PRR5L: variants seen among roughly 807,000 people sequenced by gnomAD.
PRR5L encodes proline-rich protein 5-like.
In PRR5L, 21 loss-of-function variants were observed where a neutral mutation model predicts 36.4. The observed-to-expected ratio is 0.58, with a 90% CI of 0.41 to 0.83. The LOEUF is 0.83. PRR5L is among the 40% of genes least tolerant of loss of function. PRR5L has a pLI of 0.00. For missense variants in PRR5L, 381 were observed against 473.3 expected, an observed-to-expected ratio of 0.80 and a Z score of 1.81; for synonymous variants, 188 against 197.0, an observed-to-expected ratio of 0.95 and a Z score of 0.38.
intron 1 of PRR5L, among the ~76,000 whole-genome samples, chr11:36,383,695 C>CT (rs34900545): frequency 0.13 from 14,520 of 109,104 alleles, 1,133 homozygotes; most frequent in East Asian, 0.35. Flanking sequence ...CTTTCTTTTC[C>CT]TTTTTTTTTT....
intron 1 of PRR5L, among the ~76,000 whole-genome samples, chr11:36,351,365 T>TG (rs1856946556): frequency 2.3e-5 from 2 of 87,600 alleles, no homozygotes; most frequent in African/African-American, 4.7e-5. Context: ...TATATATAAA[T>TG]ATATATACAT....
chr11:36,449,400 G>A (rs972345505), intron 7 of PRR5L, among the ~76,000 whole-genome samples: 5 of 152,156 alleles, frequency 3.3e-5, no homozygotes, highest in Admixed American at 6.5e-5. Context: ...CTTCAGCTCC[G>A]TCTTTTCTGT....
chr11:36,463,596 G>C lies in PRR5L; in HGVS notation c.*860G>C, dbSNP rs1361859715. ...CCAGCTGATACCAACCAACTGGCCTGTATCTATCTATCTGGATTTGACTTG... is the reference window on the plus strand; with the variant it reads ...CCAGCTGATACCAACCAACTGGCCTCTATCTATCTATCTGGATTTGACTTG... On this transcript the variant is annotated 3_prime_UTR_variant, in exon 9 of 9. Coordinates refer to ENST00000530639, the MANE Select transcript of PRR5L (RefSeq NM_001160167.2). 1.3e-5 allele frequency: 2 copies of C among 152,430 alleles called. No homozygotes were observed. The highest frequency in any genetic ancestry group is 3.9e-4 in the East Asian group (2 of 5,190). The allele number at this position is 152,430 out of a possible 1,614,324, so 9.4% of individuals were successfully genotyped here.
At chr11:36,312,599 A>G (rs1033114324) in intron 1 of PRR5L, among the ~76,000 whole-genome samples, 2 of 152,148 alleles carry the variant, frequency 1.3e-5, no homozygotes, top group Non-Finnish European at 1.5e-5. Flanking sequence ...ATCAGAATAA[A>G]CCAATGTTCA....
intron 8 of PRR5L, among the ~76,000 whole-genome samples, chr11:36,451,994 T>C (rs1858955139): frequency 7.0e-6 from 1 of 141,946 alleles, no homozygotes; most frequent in Admixed American, 6.9e-5. Context: ...TCTAGATGGG[T>C]TCAGTACAAA....
intron 3 of PRR5L, among the ~76,000 whole-genome samples, chr11:36,413,854 C>T (rs144763504): frequency 0.12 from 11,885 of 96,856 alleles, 806 homozygotes; most frequent in South Asian, 0.18. Flanking sequence ...TAATGCTATC[C>T]CTCCCCCCTC....
chr11:36,318,991 T>G (rs1312335515), intron 1 of PRR5L, among the ~76,000 whole-genome samples: 1 of 152,220 alleles, frequency 6.6e-6, no homozygotes, highest in South Asian at 2.1e-4. Context: ...ATATCAAGGC[T>G]TTCTTTAATA....
At chr11:36,351,674 C>A (rs12795405) in intron 1 of PRR5L, among the ~76,000 whole-genome samples, 1 of 23,018 alleles carries the variant, frequency 4.3e-5, no homozygotes, top group African/African-American at 2.7e-4. Flanking sequence ...TATTTATATA[C>A]TTATATATTT....
chr11:36,338,869 A>C (rs1856792650), intron 1 of PRR5L, among the ~76,000 whole-genome samples: 2 of 152,200 alleles, frequency 1.3e-5, no homozygotes, highest in Non-Finnish European at 2.9e-5. Context: ...ATCTCCCAGA[A>C]TTCCCACGTG....
rs574996759 is a variant in PRR5L at position 36,429,784 on chromosome 11, C to T, written c.295-2069C>T. Among the ~76,000 whole-genome samples, 4 of 152,302 alleles carry T rather than the reference C, an allele frequency of 2.6e-5. No homozygotes were observed. In the South Asian group the frequency reaches 8.3e-4, roughly 32 times the overall value. The stretch of plus-strand genomic sequence containing the variant: ...CCAACCAGGTGGAGACTGCAGGGCA[C>T]AAATGAGATTTGTGCTAAGAAGCAT... On this transcript the variant is annotated intron_variant, in intron 4 of 8. Transcript: ENST00000530639.
At chr11:36,423,827 C>T (rs1858323127) in intron 4 of PRR5L, among the ~76,000 whole-genome samples, 1 of 152,132 alleles carries the variant, frequency 6.6e-6, no homozygotes, top group African/African-American at 2.4e-5. Context: ...AGAAGAACAG[C>T]ACTGTGGAAT....
chr11:36,386,801 G>A (rs1857465282), intron 1 of PRR5L, among the ~76,000 whole-genome samples: 1 of 152,228 alleles, frequency 6.6e-6, no homozygotes, highest in African/African-American at 2.4e-5. Context: ...TTGGTTTAGA[G>A]TAGAAATTAA....
chr11:36,364,766 G>A (rs1313107767), intron 1 of PRR5L, among the ~76,000 whole-genome samples: 1 of 152,196 alleles, frequency 6.6e-6, no homozygotes, highest in Admixed American at 6.5e-5. Context: ...TTGGCAGTCT[G>A]TCCAGGTGTG....
intron 1 of PRR5L, among the ~76,000 whole-genome samples, chr11:36,356,163 C>T (rs984477049): frequency 1.3e-5 from 2 of 151,998 alleles, no homozygotes; most frequent in Non-Finnish European, 2.9e-5. Flanking sequence ...CTGCCTGCCT[C>T]GGCCTCCTAA....
At chr11:36,432,904 A>C (rs1858531173) in intron 5 of PRR5L, among the ~76,000 whole-genome samples, 1 of 152,180 alleles carries the variant, frequency 6.6e-6, no homozygotes, top group African/African-American at 2.4e-5. Context: ...CTGACGCTGG[A>C]AAGTTCCAAG....
At chr11:36,422,844 C>T (rs375673453) in intron 4 of PRR5L, among the ~76,000 whole-genome samples, 1 of 151,978 alleles carries the variant, frequency 6.6e-6, no homozygotes, top group Admixed American at 6.6e-5. Flanking sequence ...GAATTGTGTC[C>T]GGAAGGAAAA....
intron 6 of PRR5L, among the ~76,000 whole-genome samples, chr11:36,439,778 A>G (rs1186464345): frequency 6.6e-6 from 1 of 152,128 alleles, no homozygotes; most frequent in Non-Finnish European, 1.5e-5. Context: ...ACATATTTAT[A>G]GTTTTATAGG....
At chr11:36,318,991 T>C (rs1312335515) in intron 1 of PRR5L, among the ~76,000 whole-genome samples, 1 of 152,220 alleles carries the variant, frequency 6.6e-6, no homozygotes, top group Non-Finnish European at 1.5e-5. Flanking sequence ...ATATCAAGGC[T>C]TTCTTTAATA....
chr11:36,363,588 G>A (rs58187624), intron 1 of PRR5L, among the ~76,000 whole-genome samples: 3 of 152,124 alleles, frequency 2.0e-5, no homozygotes, highest in African/African-American at 4.8e-5. Flanking sequence ...ATCAACCCCC[G>A]GGCAGGTTTC....
Sources: allele counts gnomAD v4.1 joint callset (sites outside exome capture counted in the v4.1 genomes callset), GRCh38; gene constraint gnomAD v4.1.1; transcripts MANE v1.5; gene names NCBI Gene and HGNC (gene_info 2026-07-23, HGNC 2026-07-21).